Variants in GRID1 observed in about 807,000 individuals in gnomAD.
GRID1 encodes the protein glutamate ionotropic receptor delta type subunit 1, also known as glutamate receptor ionotropic, delta-1.
GRID1 carries 28 observed loss-of-function variants against 98.0 expected under a neutral mutation model. That is an observed-to-expected ratio of 0.29 (90% confidence interval 0.21 to 0.39). GRID1 has a LOEUF of 0.39. Among genes scored for constraint, GRID1 ranks in the 10% least tolerant of loss-of-function variants. GRID1 has a pLI of 1.00. For synonymous variants in GRID1, 553 were observed against 538.5 expected, an observed-to-expected ratio of 1.03 and a Z score of -0.37; for missense variants, 1,111 against 1,340.5, an observed-to-expected ratio of 0.83 and a Z score of 2.67.
chr10:86,358,333 G>C (rs917568051), intron 2 of GRID1, among the ~76,000 whole-genome samples: 3 of 152,234 alleles, frequency 2.0e-5, no homozygotes, highest in Admixed American at 2.0e-4. Context: ...ATTGGGCACA[G>C]ACAGGTGTGC....
intron 3 of GRID1, among the ~76,000 whole-genome samples, chr10:86,205,486 C>T (rs142535894): frequency 5.9e-5 from 9 of 152,310 alleles, no homozygotes; most frequent in East Asian, 3.9e-4. Context: ...TGCAAGAACA[C>T]GTGCACTACT....
intron 4 of GRID1, among the ~76,000 whole-genome samples, chr10:85,923,417 G>A (rs12766566): frequency 0.31 from 47,405 of 151,972 alleles, 7,573 homozygotes; most frequent in South Asian, 0.41. Flanking sequence ...TTTCCTGGAA[G>A]AAAGCTGAAC....
intron 4 of GRID1, among the ~76,000 whole-genome samples, chr10:86,002,304 T>C (rs1267929496): frequency 3.3e-5 from 5 of 152,218 alleles, no homozygotes; most frequent in Non-Finnish European, 7.4e-5. Context: ...AATGTACTAA[T>C]AGCAACTGAT....
chr10:85,815,819 T>G (rs755596270), intron 8 of GRID1, among the ~76,000 whole-genome samples: 3 of 152,020 alleles, frequency 2.0e-5, no homozygotes, highest in Non-Finnish European at 2.9e-5. Flanking sequence ...AAAACTCTTA[T>G]CTAATGAACA....
intron 4 of GRID1, among the ~76,000 whole-genome samples, chr10:86,048,135 C>T (rs1843451242): frequency 6.6e-6 from 1 of 152,108 alleles, no homozygotes; most frequent in Non-Finnish European, 1.5e-5. Context: ...GTGAAGAAGT[C>T]AAAGTATTTT....
intron 2 of GRID1, among the ~76,000 whole-genome samples, chr10:86,315,317 C>G (rs1011276434): frequency 1.1e-4 from 16 of 152,168 alleles, no homozygotes; most frequent in Non-Finnish European, 1.9e-4. Flanking sequence ...TCACCCTGGC[C>G]AGGCATAGCC....
chr10:86,314,902 G>C (rs115197699), intron 2 of GRID1, among the ~76,000 whole-genome samples: 199 of 152,276 alleles, frequency 1.3e-3, no homozygotes, highest in African/African-American at 4.5e-3. Context: ...GAGCCACCAA[G>C]GCTTTGTGTT....
intron 2 of GRID1, among the ~76,000 whole-genome samples, chr10:86,304,224 T>C (rs186424014): frequency 9.2e-5 from 14 of 152,342 alleles, no homozygotes; most frequent in Non-Finnish European, 1.2e-4. Flanking sequence ...CACTGTGTGA[T>C]GTCTCCTGGG....
At chr10:86,080,447 G>A (rs1843958348) in intron 4 of GRID1, among the ~76,000 whole-genome samples, 1 of 36,104 alleles carries the variant, frequency 2.8e-5, no homozygotes, top group South Asian at 1.7e-3. Flanking sequence ...GGGAGGGGAG[G>A]GGAGGGGAGG....
chr10:86,219,042 T>G (rs571684775), intron 2 of GRID1, among the ~76,000 whole-genome samples: 1 of 152,308 alleles, frequency 6.6e-6, no homozygotes, highest in Admixed American at 6.5e-5. Context: ...ACCCTGTGGG[T>G]CTGTCTCTGG....
intron 2 of GRID1, among the ~76,000 whole-genome samples, chr10:86,273,833 T>A (rs1399931957): frequency 6.6e-6 from 1 of 152,170 alleles, no homozygotes; most frequent in Non-Finnish European, 1.5e-5. Flanking sequence ...GATGAGTAGG[T>A]TGCAAAAATT....
chr10:85,830,341 A>G (rs565721152), intron 8 of GRID1, among the ~76,000 whole-genome samples: 3 of 152,188 alleles, frequency 2.0e-5, no homozygotes, highest in African/African-American at 4.8e-5. Flanking sequence ...ATGTAAAACC[A>G]AAAACTAAAA....
chr10:85,748,113 G>A lies in GRID1; in HGVS notation c.1234-18499C>T, dbSNP rs571408633. Among the ~76,000 whole-genome samples the A allele has an allele frequency of 2.4e-3, 370 of 151,932 alleles. 3 individuals are homozygous for A. Among genetic ancestry groups the A allele is most frequent in the African/African-American group, 8.4e-3 (348 of 41,416 alleles). On this transcript the variant is annotated intron_variant, in intron 8 of 15. Coordinates refer to ENST00000327946, the MANE Select transcript of GRID1 (RefSeq NM_017551.3). ...CCGTGACTGTGTACATCTCAAGGTC[G>A]GCAGCCAAGAGTGTCTGCCTCTATG...
chr10:85,778,539 C>T (rs890991964), intron 8 of GRID1, among the ~76,000 whole-genome samples: 2 of 152,084 alleles, frequency 1.3e-5, no homozygotes, highest in Admixed American at 6.6e-5. Flanking sequence ...TTCCTGACCT[C>T]GGAAAACTCA....
intron 5 of GRID1, among the ~76,000 whole-genome samples, chr10:85,869,721 C>T (rs564428255): frequency 6.6e-6 from 1 of 152,298 alleles, no homozygotes; most frequent in East Asian, 1.9e-4. Flanking sequence ...TTGTTCTGTA[C>T]TAAGCACTGT....
intron 13 of GRID1, among the ~76,000 whole-genome samples, chr10:85,638,633 AAATG>A (rs1487852400): frequency 1.3e-5 from 2 of 152,200 alleles, no homozygotes; most frequent in Non-Finnish European, 1.5e-5. Flanking sequence ...CAATAGAATA[AAATG>A]AATAGGCAAG....
chr10:86,024,056 C>A (rs2131888682), intron 4 of GRID1, among the ~76,000 whole-genome samples: 1 of 152,250 alleles, frequency 6.6e-6, no homozygotes, highest in African/African-American at 2.4e-5. Flanking sequence ...CCAAGGCCAG[C>A]CACTTATGTC....
chr10:86,087,793 C>T (rs1483067576), intron 4 of GRID1, among the ~76,000 whole-genome samples: 1 of 152,186 alleles, frequency 6.6e-6, no homozygotes, highest in Middle Eastern at 3.2e-3. Flanking sequence ...CCACCTCCCT[C>T]CCAGCCCGCA....
intron 8 of GRID1, among the ~76,000 whole-genome samples, chr10:85,801,923 G>T (rs547371506): frequency 6.6e-6 from 1 of 152,024 alleles, no homozygotes; most frequent in African/African-American, 2.4e-5. Context: ...TATAAGAGAT[G>T]AATTTAGATA....
Sources: gnomAD v4.1 joint callset for allele counts (sites outside exome capture counted in the v4.1 genomes callset) on GRCh38, gnomAD v4.1.1 for gene constraint, MANE v1.5 for transcripts, NCBI Gene and HGNC (gene_info 2026-07-23, HGNC 2026-07-21) for gene names.